MTR: variants seen among roughly 807,000 people sequenced by gnomAD.
MTR encodes methionine synthase.
MTR carries 84 observed loss-of-function variants against 154.8 expected under a neutral mutation model. That is an observed-to-expected ratio of 0.54 (90% CI 0.45 to 0.65). The LOEUF (loss-of-function observed/expected upper bound fraction) is 0.65, where lower values mean the gene tolerates loss of function less well. Among genes scored for constraint, MTR ranks in the 30% least tolerant of loss-of-function variants. The pLI is 0.00. For missense variants in MTR, 1,275 were observed against 1,570.2 expected (o/e 0.81, Z 3.18); for synonymous variants, 554 against 553.9 (o/e 1.00, Z 0.00).
chr1:236,862,929 C>CA (rs1278133724), intron 21 of MTR, among the ~76,000 whole-genome samples: 1 of 152,172 alleles, frequency 6.6e-6, no homozygotes, highest in African/African-American at 2.4e-5. Context: ...CAGACAAACA[C>CA]AGAGTTTATA....
chr1:236,861,724 C>G (rs916184431), intron 20 of MTR, among the ~76,000 whole-genome samples: 7 of 152,190 alleles, frequency 4.6e-5, no homozygotes, highest in Non-Finnish European at 7.3e-5. Flanking sequence ...AGAACTCTTA[C>G]TTTGATTTAC....
chr1:236,875,952 T>A (rs141054849), intron 24 of MTR, among the ~76,000 whole-genome samples: 4 of 152,296 alleles, frequency 2.6e-5, no homozygotes, highest in Non-Finnish European at 5.9e-5. Context: ...AAAGGCAGTC[T>A]AGAGGTGGAA....
intron 22 of MTR, among the ~76,000 whole-genome samples, chr1:236,872,830 A>G (rs1304103261): frequency 6.6e-6 from 1 of 152,010 alleles, no homozygotes; most frequent in African/African-American, 2.4e-5. Flanking sequence ...ACATAGGGAA[A>G]CCCTATCTAC....
intron 1 of MTR, among the ~76,000 whole-genome samples, chr1:236,797,972 A>AC (rs1343001111): frequency 6.7e-6 from 1 of 149,534 alleles, no homozygotes; most frequent in African/African-American, 2.5e-5. Context: ...AAAAAACAAA[A>AC]CAAAACAAAA....
At chr1:236,852,658 G>T (rs55693346) in intron 17 of MTR, 21 bp downstream of exon 17, 5 of 1,605,260 alleles carry the variant, frequency 3.1e-6, no homozygotes, top group Non-Finnish European at 4.3e-6. Context: ...AGAACTCTTA[G>T]CCCTGCGGAA....
chr1:236,827,540 T>C (rs1197605685), intron 11 of MTR, among the ~76,000 whole-genome samples: 1 of 152,198 alleles, frequency 6.6e-6, no homozygotes, highest in African/African-American at 2.4e-5. Flanking sequence ...TGAGTAATAT[T>C]TGAATGCTCA....
In MTR at chr1:236,819,992, A is replaced by G. The variant is rs1442355950; in HGVS notation, c.764+3449A>G. On this transcript the variant is annotated intron_variant, in intron 8 of 32. Transcript: ENST00000366577. ...AGATCCAGGCAGCCTTCCGGGAGCCATGGCTTCTTGTGGTTACTGACTCGA... is the reference window on the plus strand; with the variant it reads ...AGATCCAGGCAGCCTTCCGGGAGCCGTGGCTTCTTGTGGTTACTGACTCGA... The G allele has an allele frequency of 5.3e-6, 6 of 1,134,148 alleles. No individual in the cohort carries two copies. The East Asian group carries it at 1.4e-4, about 27-fold the overall frequency. The allele number at this position is 1,134,148 out of a possible 1,614,324, so 70.3% of individuals were successfully genotyped here. A position where few individuals can be genotyped will look rare whatever the true frequency, so the allele number is the denominator to read the frequency against.
At position 236,830,334 on chromosome 1, in the gene MTR, C is replaced by T. The variant is rs114644350; in HGVS notation, c.1075+1066C>T. Among the ~76,000 whole-genome samples, 309 of 152,096 alleles carry T rather than the reference C, an allele frequency of 2.0e-3. 1 individual carries two copies. The highest frequency in any genetic ancestry group is 5.9e-3 in the African/African-American group (243 of 41,482). On this transcript the variant is annotated intron_variant, in intron 12 of 32. Coordinates refer to ENST00000366577, the MANE Select transcript of MTR (RefSeq NM_000254.3). ...TTTATTTCATCCCTGAAACTTAGTG[C>T]ATTACTTCAGCCAAGCACTAAGAGT... is the stretch of plus-strand genomic sequence containing the variant.
chr1:236,806,253 A>G lies in MTR; in HGVS notation c.339+20A>G, dbSNP rs748350137. 1.9e-6 allele frequency: 3 copies of G among 1,595,338 alleles called. No individual in the cohort carries two copies. Among genetic ancestry groups the G allele is most frequent in the Middle Eastern group, 1.7e-4 (1 of 6,016 alleles). ...CACTTGGTAAGAATTCCATTGTTCC[A>G]TGTGTCTAAGATGCTTACGAGCGTT... On this transcript the variant is annotated intron_variant, in intron 3 of 32. Transcript: ENST00000366577.
In MTR at chr1:236,831,948, A is replaced by T. The variant is rs1304536693; in HGVS notation, c.1076-18A>T. On this transcript the variant is annotated intron_variant, in intron 12 of 32. Transcript: ENST00000366577. ...ATATGCATTTGCAGAAATTTTTCAA[A>T]ATGCTTCTCCTTTTAAGGTCTAGAG... The T allele has an allele frequency of 1.2e-6, 2 of 1,604,804 alleles. 1 individual carries two copies. The highest frequency in any genetic ancestry group is 1.7e-6 in the Non-Finnish European group (2 of 1,171,622).
At chr1:236,821,913 A>G (rs970516259) in intron 8 of MTR, among the ~76,000 whole-genome samples, 1 of 152,094 alleles carries the variant, frequency 6.6e-6, no homozygotes, top group Non-Finnish European at 1.5e-5. Flanking sequence ...TCATTAATCT[A>G]TTTGTCTCTT....
rs1304708310 is a variant in MTR, at chr1:236,806,211, C to T, written c.317C>T (p.Ala106Val). 1.2e-6 allele frequency: 2 copies of T among 1,613,956 alleles called. No homozygotes were observed. Among genetic ancestry groups the T allele is most frequent in the Non-Finnish European group, 1.7e-6 (2 of 1,179,808 alleles). Residue 106 changes from alanine to valine, a missense_variant, in exon 3 of 33, where the codon GCT becomes GTT. By Grantham distance (64) the Ala-to-Val change is moderately conservative. Coordinates refer to ENST00000366577, the MANE Select transcript of MTR (RefSeq NM_000254.3). Reference sequence around the variant, plus strand: ...TTTAGCAGCACTAGTATTGCCCAAGCTGACTATGGCCTTGAACACTTGGTA... The same window carrying T: ...TTTAGCAGCACTAGTATTGCCCAAGTTGACTATGGCCTTGAACACTTGGTA... ...NTFSSTSIAQ[A>V]DYGLEHLAYR...
At chr1:236,825,625 T>A (rs1572218936) in intron 10 of MTR, among the ~76,000 whole-genome samples, 1 of 152,138 alleles carries the variant, frequency 6.6e-6, no homozygotes, top group Non-Finnish European at 1.5e-5. Context: ...CTCGTTGAGG[T>A]CCACTCCAAA....
At chr1:236,880,293 C>T (rs920772176) in intron 24 of MTR, among the ~76,000 whole-genome samples, 1 of 152,182 alleles carries the variant, frequency 6.6e-6, no homozygotes, top group Non-Finnish European at 1.5e-5. Context: ...TGATGTCTCC[C>T]ATGAATAGGG....
intron 3 of MTR, among the ~76,000 whole-genome samples, chr1:236,807,287 C>T (rs1661038725): frequency 6.6e-6 from 1 of 152,162 alleles, no homozygotes; most frequent in Non-Finnish European, 1.5e-5. Context: ...GTTTCTCCTG[C>T]TTTAGCCCTC....
intron 22 of MTR, among the ~76,000 whole-genome samples, chr1:236,866,042 A>AT (rs927815545): frequency 4.0e-5 from 6 of 151,840 alleles, no homozygotes; most frequent in Non-Finnish European, 5.9e-5. Flanking sequence ...ACTTTACAAT[A>AT]TTTTTTTTGA....
chr1:236,825,340 C>T lies in MTR; in HGVS notation c.868C>T (p.Leu290Phe), dbSNP rs761484203. The T allele has an allele frequency of 1.9e-6, 3 of 1,612,764 alleles. No homozygotes were observed. The highest frequency in any genetic ancestry group is 2.5e-6 in the Non-Finnish European group (3 of 1,178,880). The change falls in exon 10 of 33, where the codon CTT becomes TTT. Residue 290 changes from leucine to phenylalanine, a missense_variant and splice_region_variant. By Grantham distance (22) the Leu-to-Phe change is conservative. Coordinates refer to ENST00000366577, the MANE Select transcript of MTR (RefSeq NM_000254.3). ...AYVLCYPNAG[L>F]PNTFGDYDET... ...ATGGTTGAATTATCCTTTCTCAGGT[C>T]TTCCCAACACCTTTGGTGACTATGA...
chr1:236,798,250 C>T (rs1312461332), intron 1 of MTR, among the ~76,000 whole-genome samples: 1 of 152,154 alleles, frequency 6.6e-6, no homozygotes, highest in Non-Finnish European at 1.5e-5. Flanking sequence ...GGTCATTTTA[C>T]CTTCAGAGCA....
chr1:236,891,474 C>A, intron 29 of MTR, 145 bp downstream of exon 29: 1 of 867,470 alleles, frequency 1.2e-6, no homozygotes, highest in Non-Finnish European at 1.8e-6. Context: ...GTCACACGCC[C>A]AAGCCCAAGC....
Sources: allele counts gnomAD v4.1 joint callset (sites outside exome capture counted in the v4.1 genomes callset), GRCh38; gene constraint gnomAD v4.1.1; transcripts MANE v1.5; gene names NCBI Gene and HGNC (gene_info 2026-07-23, HGNC 2026-07-21).